Variants in GPC5 observed in about 807,000 individuals in gnomAD.
GPC5 encodes the protein glypican-5.
A neutral mutation model predicts 53.9 loss-of-function variants in GPC5; 47 were observed. The ratio of observed to expected loss-of-function variants is 0.87; its 90% CI spans 0.69 to 1.11. The LOEUF (loss-of-function observed/expected upper bound fraction) is 1.11. Among genes scored for constraint, GPC5 ranks in the 50% most tolerant of loss-of-function variants. GPC5 has a pLI of 0.00. For synonymous variants in GPC5, 286 were observed against 263.3 expected (o/e 1.09, Z -0.84); for missense variants, 748 against 713.1 (o/e 1.05, Z -0.56).
intron 7 of GPC5, among the ~76,000 whole-genome samples, chr13:92,584,638 G>A (rs1354598676): frequency 6.6e-6 from 1 of 152,156 alleles, no homozygotes; most frequent in Non-Finnish European, 1.5e-5. Context: ...AAGTAACTAG[G>A]AGGCGAATGT....
chr13:92,189,366 A>G (rs1015491290), intron 7 of GPC5, among the ~76,000 whole-genome samples: 11 of 152,078 alleles, frequency 7.2e-5, no homozygotes, highest in African/African-American at 2.4e-4. Flanking sequence ...GGGCAAGGGA[A>G]CTATGCAACT....
chr13:92,281,844 TCTC>T (rs1222265185), intron 7 of GPC5, among the ~76,000 whole-genome samples: 5 of 152,210 alleles, frequency 3.3e-5, no homozygotes, highest in East Asian at 3.9e-4. Context: ...GACCACCTCT[TCTC>T]CTCCAAAGGA....
At chr13:91,608,843 T>A (rs1422720706) in intron 2 of GPC5, among the ~76,000 whole-genome samples, 1 of 151,816 alleles carries the variant, frequency 6.6e-6, no homozygotes, top group Non-Finnish European at 1.5e-5. Context: ...TGGTATTTGC[T>A]GTTAATGATT....
intron 6 of GPC5, among the ~76,000 whole-genome samples, chr13:92,068,155 T>C (rs879867189): frequency 2.0e-5 from 3 of 151,982 alleles, no homozygotes; most frequent in Non-Finnish European, 4.4e-5. Flanking sequence ...CACATGTAGA[T>C]TGAACCTTGT....
intron 7 of GPC5, among the ~76,000 whole-genome samples, chr13:92,828,904 G>C (rs1877946549): frequency 6.6e-6 from 1 of 152,010 alleles, no homozygotes. Context: ...ACACTATTCG[G>C]GTGATGAATA....
At chr13:92,625,568 C>A (rs1181691340) in intron 7 of GPC5, among the ~76,000 whole-genome samples, 1 of 152,142 alleles carries the variant, frequency 6.6e-6, no homozygotes, top group Non-Finnish European at 1.5e-5. Flanking sequence ...TAAATTTGTC[C>A]TGGTGCAATT....
intron 7 of GPC5, among the ~76,000 whole-genome samples, chr13:92,836,269 C>A (rs1368328241): frequency 6.6e-6 from 1 of 151,898 alleles, no homozygotes; most frequent in East Asian, 1.9e-4. Context: ...AATTTTCTTG[C>A]AGGATTTTTA....
intron 7 of GPC5, among the ~76,000 whole-genome samples, chr13:92,824,726 G>GA (rs5805766): frequency 0.65 from 96,978 of 150,014 alleles, 34,042 homozygotes; most frequent in Non-Finnish European, 0.81. Context: ...AATGCCTTTT[G>GA]AAAAAAAAAA....
intron 7 of GPC5, among the ~76,000 whole-genome samples, chr13:92,594,603 AACCCTCTCGTCGTTGAC>A (rs928219809): frequency 1.3e-5 from 2 of 152,212 alleles, no homozygotes; most frequent in African/African-American, 2.4e-5. Flanking sequence ...CATCTTTGCT[AACCCTCTCGTCGTTGAC>A]ACCATCCAAT....
At chr13:92,762,635 T>G (rs1004551906) in intron 7 of GPC5, among the ~76,000 whole-genome samples, 2 of 152,128 alleles carry the variant, frequency 1.3e-5, no homozygotes, top group Admixed American at 6.5e-5. Flanking sequence ...TTTGGAAGAT[T>G]TCAGCATTTT....
chr13:92,669,361 C>A (rs1566354426), intron 7 of GPC5, among the ~76,000 whole-genome samples: 1 of 152,102 alleles, frequency 6.6e-6, no homozygotes, highest in Non-Finnish European at 1.5e-5. Context: ...CAAAAACTAC[C>A]CAGAGAGCAT....
chr13:92,448,976 A>G (rs1416182104), intron 7 of GPC5: 1 of 150,374 alleles, frequency 6.7e-6, no homozygotes, highest in Admixed American at 6.6e-5. Context: ...AAGAATCAAG[A>G]TGGGTGATGT....
At chr13:92,803,349 A>G (rs1354441287) in intron 7 of GPC5, among the ~76,000 whole-genome samples, 1 of 151,882 alleles carries the variant, frequency 6.6e-6, no homozygotes, top group African/African-American at 2.4e-5. Flanking sequence ...AAATTCACCA[A>G]CCTCAAAAGA....
At chr13:91,500,830 G>A (rs1358548556) in intron 2 of GPC5, among the ~76,000 whole-genome samples, 3 of 152,116 alleles carry the variant, frequency 2.0e-5, no homozygotes, top group Admixed American at 6.5e-5. Flanking sequence ...TTGTGGGAGG[G>A]ACCAGGTGGG....
At chr13:92,649,869 T>A (rs929255680) in intron 7 of GPC5, among the ~76,000 whole-genome samples, 1 of 152,198 alleles carries the variant, frequency 6.6e-6, no homozygotes, top group South Asian at 2.1e-4. Context: ...ATGATTATTG[T>A]CTTTAATTAT....
chr13:91,514,852 A>G (rs1885410473), intron 2 of GPC5, among the ~76,000 whole-genome samples: 1 of 152,084 alleles, frequency 6.6e-6, no homozygotes, highest in Non-Finnish European at 1.5e-5. Flanking sequence ...TACTTTCTAT[A>G]TTCTTATTGA....
intron 7 of GPC5, among the ~76,000 whole-genome samples, chr13:92,444,323 G>A (rs1028659717): frequency 5.3e-5 from 8 of 152,090 alleles, no homozygotes; most frequent in East Asian, 1.9e-4. Context: ...GATGTGAGAA[G>A]CAAGAAAAAG....
In GPC5 at chr13:92,268,697, TTTA is replaced by T. The variant is rs575468233; in HGVS notation, c.1561+123710_1561+123712del. On this transcript the variant is annotated intron_variant, in intron 7 of 7. Coordinates refer to ENST00000377067, the MANE Select transcript of GPC5 (RefSeq NM_004466.6). ...CTACAAAATTATTCTGTAAGAATTT[TTTA>T]TCTTATACTTACCTCATAGATTTGG... Among the ~76,000 whole-genome samples, 782 of 150,724 alleles carry T rather than the reference TTTA, an allele frequency of 5.2e-3. 7 individuals carry two copies. The highest frequency in any genetic ancestry group is 0.018 in the African/African-American group (750 of 40,744).
Position 92,767,080 on chromosome 13 carries a change from G to A in GPC5, c.1562-99202G>A, listed in dbSNP as rs11840949. Among the ~76,000 whole-genome samples, 320 of 152,328 alleles carry A rather than the reference G, an allele frequency of 2.1e-3. 1 individual carries two copies. The highest frequency in any genetic ancestry group is 7.4e-3 in the African/African-American group (309 of 41,576). On this transcript the variant is annotated intron_variant, in intron 7 of 7. Coordinates refer to ENST00000377067, the MANE Select transcript of GPC5 (RefSeq NM_004466.6). Reference sequence around the variant, plus strand: ...GTCAAGAATTGAATCAAGGTCCTTGGAATGAGACAGGAAATTGACTCCATG... The same window carrying A: ...GTCAAGAATTGAATCAAGGTCCTTGAAATGAGACAGGAAATTGACTCCATG...
Sources: allele counts gnomAD v4.1 joint callset (sites outside exome capture counted in the v4.1 genomes callset), GRCh38; gene constraint gnomAD v4.1.1; transcripts MANE v1.5; gene names NCBI Gene and HGNC (gene_info 2026-07-23, HGNC 2026-07-21).